Variants in GALNT4 observed in about 807,000 individuals in gnomAD.
GALNT4 encodes the protein UDP-GalNAc:polypeptide N-acetylgalactosaminyltransferase 4.
A neutral mutation model predicts 45.1 loss-of-function variants in GALNT4; 23 were observed. The ratio of observed to expected loss-of-function variants is 0.51; its 90% confidence interval spans 0.37 to 0.72. The LOEUF (loss-of-function observed/expected upper bound fraction) is 0.72. GALNT4 is among the 30% of genes least tolerant of loss of function. GALNT4 has a pLI of 0.00. For missense variants in GALNT4, 757 were observed against 709.0 expected (o/e 1.07, Z -0.77); for synonymous variants, 264 against 257.6 (o/e 1.02, Z -0.24).
rs1870941420 is a variant in GALNT4, at chr12:89,522,190, T to C, written c.*623A>G. ...TAAATATCTCCCCATTTCATTTAAA[T>C]ATGGGTATGTCTGCATGTTAAAAAG... On this transcript the variant is annotated 3_prime_UTR_variant, in exon 1 of 1. Coordinates refer to ENST00000529983, the MANE Select transcript of GALNT4 (RefSeq NM_003774.5). 1 of 398,728 alleles carries C rather than the reference T, an allele frequency of 2.5e-6. No homozygotes were observed. 24.7% of individuals were successfully genotyped at this position (398,728 alleles called of 1,614,324 possible). A position where few individuals can be genotyped will look rare whatever the true frequency, so the allele number is the denominator to read the frequency against.
In GALNT4 at chr12:89,524,143, G is replaced by A. The variant is rs758522883; in HGVS notation, c.407C>T (p.Thr136Ile). The A allele has an allele frequency of 2.5e-6, 4 of 1,614,026 alleles. No homozygotes were observed. The highest frequency in any genetic ancestry group is 3.4e-6 in the Non-Finnish European group (4 of 1,179,904). The part of the protein sequence containing the change: ...SQKFNYRTLP[T>I]TSVIIAFYNE... ...ATAGAAAGCAATGATAACAGAGGTGGTAGGAAGTGTCCTATAGTTGAACTT... is the reference window on the plus strand; with the variant it reads ...ATAGAAAGCAATGATAACAGAGGTGATAGGAAGTGTCCTATAGTTGAACTT... Residue 136 changes from threonine to isoleucine, a missense_variant, in exon 1 of 1, where the codon ACC becomes ATC. Coordinates refer to ENST00000529983, the MANE Select transcript of GALNT4 (RefSeq NM_003774.5).
chr12:89,519,664 A>G lies in GALNT4; in HGVS notation c.*3149T>C, dbSNP rs1870683089. The G allele has an allele frequency of 6.6e-6, 1 of 152,596 alleles. No homozygotes were observed. Among genetic ancestry groups the G allele is most frequent in the Non-Finnish European group, 1.5e-5 (1 of 68,028 alleles). The allele number at this position is 152,596 out of a possible 1,614,324, so 9.5% of individuals were successfully genotyped here. ...AAACCAACTAAGACTATACAACTTA[A>G]AAATAAGCTGTCTTCATCCTAGAAA... On this transcript the variant is annotated 3_prime_UTR_variant, in exon 1 of 1. Transcript: ENST00000529983.
Position 89,524,053 on chromosome 12 carries a change from A to G in GALNT4, c.497T>C (p.Leu166Pro), listed in dbSNP as rs1487534077. 6.2e-7 allele frequency: 1 copy of G among 1,613,538 alleles called. No homozygotes were observed. Among genetic ancestry groups the G allele is most frequent in the Non-Finnish European group, 8.5e-7 (1 of 1,179,760 alleles). The change falls in exon 1 of 1, where the codon CTT (leucine) becomes CCT (proline). Residue 166 changes from leucine (L) to proline (P), a missense_variant. Transcript: ENST00000529983. ...ATCCACCAAGATGATCTCTTTCAAA[A>G]GAACTGCAGGAGAAGTTTCTAAAAC... is the stretch of plus-strand genomic sequence containing the variant. ...HSVLETSPAVLLKEIILVDDL... is the reference protein window; with the variant it reads ...HSVLETSPAVPLKEIILVDDL...
Position 89,524,106 on chromosome 12 carries a change from C to T in GALNT4, c.444G>A (p.Trp148Ter). The T allele has an allele frequency of 6.2e-7, 1 of 1,613,948 alleles. No homozygotes were observed. The highest frequency in any genetic ancestry group is 8.5e-7 in the Non-Finnish European group (1 of 1,179,866). ...SVIIAFYNEA[W>*]STLLRTIHSV... ...TGTGAATGGTACGGAGCAAAGTCGA[C>T]CAGGCTTCGTTATAGAAAGCAATGA... Residue 148 changes from tryptophan (W) to a stop codon, truncating the protein, a stop_gained, in exon 1 of 1, where the codon TGG becomes TGA. Coordinates refer to ENST00000529983, the MANE Select transcript of GALNT4 (RefSeq NM_003774.5). LOFTEE classifies it high-confidence loss of function.
At position 89,524,068 on chromosome 12, in the gene GALNT4, G is replaced by A; in HGVS notation, c.482C>T (p.Thr161Ile). The A allele has an allele frequency of 1.2e-6, 2 of 1,613,800 alleles. No individual in the cohort carries two copies. The highest frequency in any genetic ancestry group is 1.1e-5 in the South Asian group (1 of 91,044). The part of the protein sequence containing the change: ...LLRTIHSVLE[T>I]SPAVLLKEII... Reference sequence around the variant, plus strand: ...CTCTTTCAAAAGAACTGCAGGAGAAGTTTCTAAAACACTGTGAATGGTACG... The same window carrying A: ...CTCTTTCAAAAGAACTGCAGGAGAAATTTCTAAAACACTGTGAATGGTACG... The change falls in exon 1 of 1, where the codon ACT becomes ATT. Residue 161 changes from threonine to isoleucine, a missense_variant. Transcript: ENST00000529983.
Position 89,519,912 on chromosome 12 carries a change from A to G in GALNT4, c.*2901T>C, listed in dbSNP as rs1311175716. 7 of 152,182 alleles carry G rather than the reference A, an allele frequency of 4.6e-5. No homozygotes were observed. The highest frequency in any genetic ancestry group is 1.7e-4 in the African/African-American group (7 of 41,454). 9.4% of individuals were successfully genotyped at this position (152,182 alleles called of 1,614,324 possible). On this transcript the variant is annotated 3_prime_UTR_variant, in exon 1 of 1. Coordinates refer to ENST00000529983, the MANE Select transcript of GALNT4 (RefSeq NM_003774.5). ...AGTTGAAACTCTTTGTCTACCAAAT[A>G]TTTTCCTAAAACTGTTTTTAAGCAT...
In GALNT4 at chr12:89,522,125, C is replaced by T. The variant is rs1336758706; in HGVS notation, c.*688G>A. The T allele has an allele frequency of 5.0e-6, 2 of 398,874 alleles. No homozygotes were observed. Among genetic ancestry groups the T allele is most frequent in the Non-Finnish European group, 8.8e-6 (2 of 226,048 alleles). The allele number at this position is 398,874 out of a possible 1,614,324, so 24.7% of individuals were successfully genotyped here. On this transcript the variant is annotated 3_prime_UTR_variant, in exon 1 of 1. Coordinates refer to ENST00000529983, the MANE Select transcript of GALNT4 (RefSeq NM_003774.5). ...GAATCTGAGGTATTAATATATACATCAGTGAAGTCCAATAGCTCAAGTTTA... is the reference window on the plus strand; with the variant it reads ...GAATCTGAGGTATTAATATATACATTAGTGAAGTCCAATAGCTCAAGTTTA...
rs2135782895 is a variant in GALNT4, at chr12:89,524,460, A to G, written c.90T>C (p.Ser30=). 1 of 1,613,780 alleles carries G rather than the reference A, an allele frequency of 6.2e-7. No homozygotes were observed. The highest frequency in any genetic ancestry group is 8.5e-7 in the Non-Finnish European group (1 of 1,179,896). The stretch of plus-strand genomic sequence containing the variant: ...CGGCTCCTGCGGAGGCATGAAAAGT[A>G]GAGACCAAGAGCTCCACGAAGATAT... ...VAYIFVELLV[S]TFHASAGAGR... is the part of the protein sequence containing the mutation. The change falls in exon 1 of 1, where the codon TCT becomes TCC. Residue 30 remains serine, a synonymous_variant. Coordinates refer to ENST00000529983, the MANE Select transcript of GALNT4 (RefSeq NM_003774.5).
Position 89,523,203 on chromosome 12 carries a change from G to A in GALNT4, c.1347C>T (p.Arg449=). ...EDRPGWHGAI[R]SRGISSECLD... The stretch of plus-strand genomic sequence containing the variant: ...AACATTCAGACGAGATCCCTCTACT[G>A]CGAATAGCCCCATGCCAGCCTGGTC... Residue 449 remains arginine, a synonymous_variant, in exon 1 of 1, where the codon CGC becomes CGT. Transcript: ENST00000529983. 1 of 1,613,936 alleles carries A rather than the reference G, an allele frequency of 6.2e-7. No individual in the cohort carries two copies.
In GALNT4 at chr12:89,519,861, C is replaced by T. The variant is rs929383725; in HGVS notation, c.*2952G>A. 1.3e-5 allele frequency: 2 copies of T among 152,264 alleles called. No individual in the cohort carries two copies. Among genetic ancestry groups the T allele is most frequent in the African/African-American group, 2.4e-5 (1 of 41,402 alleles). The allele number at this position is 152,264 out of a possible 1,614,324, so 9.4% of individuals were successfully genotyped here. On this transcript the variant is annotated 3_prime_UTR_variant, in exon 1 of 1. Coordinates refer to ENST00000529983, the MANE Select transcript of GALNT4 (RefSeq NM_003774.5). ...TAGTCAACCTATCCGTAAAGTTGGA[C>T]ACTAAATGACATAGTGAACATTTAA...
At position 89,523,069 on chromosome 12, in the gene GALNT4, ATTTC is replaced by A. The variant is rs1199825009; in HGVS notation, c.1477_1480del (p.Glu493Ter). 6.2e-7 allele frequency: 1 copy of A among 1,613,782 alleles called. No homozygotes were observed. The highest frequency in any genetic ancestry group is 8.5e-7 in the Non-Finnish European group (1 of 1,179,736). ...TAACTCTGTCACAGAATTAAACCTT[ATTTC>A]TTTGTTTGAAGTATATTCAAAGAAT... On this transcript the variant is annotated frameshift_variant, in exon 1 of 1. Coordinates refer to ENST00000529983, the MANE Select transcript of GALNT4 (RefSeq NM_003774.5). LOFTEE classifies it high-confidence loss of function.
Position 89,524,202 on chromosome 12 carries a change from T to C in GALNT4, c.348A>G (p.Ile116Met), listed in dbSNP as rs1341125543. The change falls in exon 1 of 1, where the codon ATA becomes ATG. Residue 116 changes from isoleucine to methionine, a missense_variant. Transcript: ENST00000529983. ...TACACTCATACATTCTTTTATCCTC[T>C]ATGTGTCGATGCAGGGAAATCCTGT... ...LSDRISLHRH[I>M]EDKRMYECKS... The C allele has an allele frequency of 1.9e-6, 3 of 1,614,012 alleles. No homozygotes were observed. The highest frequency in any genetic ancestry group is 3.3e-5 in the Admixed American group (2 of 60,030).
rs1401839943 is a variant in GALNT4, at chr12:89,524,774, G to A, written c.-225C>T. The A allele has an allele frequency of 3.2e-6, 2 of 628,354 alleles. No individual in the cohort carries two copies. Among genetic ancestry groups the A allele is most frequent in the African/African-American group, 1.8e-5 (1 of 54,210 alleles). 38.9% of individuals were successfully genotyped at this position (628,354 alleles called of 1,614,324 possible). On this transcript the variant is annotated 5_prime_UTR_variant, in exon 1 of 1. Transcript: ENST00000529983. Reference sequence around the variant, plus strand: ...CCTCTCTCCCTACTTCCTCCTGCTCGGCTCACAACTTTTCACAAACTCTCC... The same window carrying A: ...CCTCTCTCCCTACTTCCTCCTGCTCAGCTCACAACTTTTCACAAACTCTCC...
In GALNT4 at chr12:89,523,491, C is replaced by A. The variant is rs1476144938; in HGVS notation, c.1059G>T (p.Glu353Asp). Residue 353 changes from glutamate (E) to aspartate (D), a missense_variant, in exon 1 of 1, where the codon GAG (glutamate) becomes GAT (aspartate). By Grantham distance (45) the Glu-to-Asp change is conservative. Transcript: ENST00000529983. Reference sequence around the variant, plus strand: ...GGCCCACGTGGGAACACGGGTGGATCTCCAATTTGCCACCACACTGCCACA... The same window carrying A: ...GGCCCACGTGGGAACACGGGTGGATATCCAATTTGCCACCACACTGCCACA... ...FRVWQCGGKL[E>D]IHPCSHVGHV... The A allele has an allele frequency of 1.2e-6, 2 of 1,612,072 alleles. No individual in the cohort carries two copies. The highest frequency in any genetic ancestry group is 3.4e-5 in the Admixed American group (2 of 59,620).
At position 89,524,516 on chromosome 12, in the gene GALNT4, A is replaced by T. The variant is rs1357008836; in HGVS notation, c.34T>A (p.Cys12Ser). ...ACTGTTAAAAACGCCAGCAGCAGGC[A>T]GCTCTTGCCTGCCCAAGTCCACCTC... ...AVRWTWAGKS[C>S]LLLAFLTVAY... is the part of the protein sequence containing the mutation. Residue 12 changes from cysteine to serine, a missense_variant, in exon 1 of 1, where the codon TGC becomes AGC. Physicochemically the swap from Cys to Ser is moderately radical, Grantham distance 112 (BLOSUM62 -1). Coordinates refer to ENST00000529983, the MANE Select transcript of GALNT4 (RefSeq NM_003774.5). 2 of 1,612,048 alleles carry T rather than the reference A, an allele frequency of 1.2e-6. No homozygotes were observed. Among genetic ancestry groups the T allele is most frequent in the South Asian group, 2.2e-5 (2 of 91,034 alleles).
chr12:89,522,874 T>A lies in GALNT4; in HGVS notation c.1676A>T (p.Asp559Val). The A allele has an allele frequency of 6.2e-7, 1 of 1,610,284 alleles. No individual in the cohort carries two copies. Among genetic ancestry groups the A allele is most frequent in the Non-Finnish European group, 8.5e-7 (1 of 1,178,822 alleles). The change falls in exon 1 of 1, where the codon GAT becomes GTT. Residue 559 changes from aspartate to valine, a missense_variant. Coordinates refer to ENST00000529983, the MANE Select transcript of GALNT4 (RefSeq NM_003774.5). ...AGCATCACAAGTTCTCATTTGTACA[T>A]CAGGTCGGCCCTCCGGTGTCCGATA... ...SAYRTPEGRPDVQMRTCDALD... is the reference protein window; with the variant it reads ...SAYRTPEGRPVVQMRTCDALD...
In GALNT4 at chr12:89,522,098, A is replaced by G. The variant is rs115922709; in HGVS notation, c.*715T>C. 9.9e-3 allele frequency: 3,969 copies of G among 398,998 alleles called. 144 individuals are homozygous for G. Among genetic ancestry groups the G allele is most frequent in the African/African-American group, 0.075 (3,643 of 48,730 alleles). 24.7% of individuals were successfully genotyped at this position (398,998 alleles called of 1,614,324 possible). ...CAGAGAAGACAGCTTACAAAATCAG[A>G]GGAATCTGAGGTATTAATATATACA... On this transcript the variant is annotated 3_prime_UTR_variant, in exon 1 of 1. Transcript: ENST00000529983.
rs1284554128 is a variant in GALNT4 at position 89,523,635 on chromosome 12, T to G, written c.915A>C (p.Arg305Ser). The change falls in exon 1 of 1, where the codon AGA becomes AGC. Residue 305 changes from arginine (R) to serine (S), a missense_variant. Physicochemically the swap from Arg to Ser is moderately radical, Grantham distance 110. Coordinates refer to ENST00000529983, the MANE Select transcript of GALNT4 (RefSeq NM_003774.5). ...DRRISRIDPI[R>S]SPTMAGGLFA... ...ACAGTCCTCCAGCCATGGTAGGTGA[T>G]CTGATGGGGTCAATTCTTGATATCC... 2 of 1,540,826 alleles carry G rather than the reference T, an allele frequency of 1.3e-6. No homozygotes were observed. The highest frequency in any genetic ancestry group is 1.4e-5 in the African/African-American group (1 of 72,400).
chr12:89,523,304 G>C lies in GALNT4; in HGVS notation c.1246C>G (p.Arg416Gly). 6.2e-7 allele frequency: 1 copy of C among 1,614,032 alleles called. No homozygotes were observed. Among genetic ancestry groups the C allele is most frequent in the Non-Finnish European group, 8.5e-7 (1 of 1,179,908 alleles). Residue 416 changes from arginine (R) to glycine (G), a missense_variant, in exon 1 of 1, where the codon CGA becomes GGA. By Grantham distance (125) the Arg-to-Gly change is moderately radical (BLOSUM62 -2). Transcript: ENST00000529983. The stretch of plus-strand genomic sequence containing the variant: ...AAGCTCTTGCATCTCAACCGCTCTC[G>C]TAGTAATTTTCTTTCAGAAATATCA... Reference protein sequence around the residue: ...YGDISERKLLRERLRCKSFDW... With the variant: ...YGDISERKLLGERLRCKSFDW...
Sources: gnomAD v4.1 joint callset for allele counts on GRCh38, gnomAD v4.1.1 for gene constraint, MANE v1.5 for transcripts, NCBI Gene and HGNC (gene_info 2026-07-23, HGNC 2026-07-21) for gene names.